The following CRPPA variants were observed in gnomAD, a reference collection of about 807,000 sequenced individuals.
CRPPA encodes CDP-L-ribitol pyrophosphorylase A, also known as D-ribitol-5-phosphate cytidylyltransferase.
Under a neutral mutation model 52.0 loss-of-function variants are expected in CRPPA, and 43 were observed. The ratio of observed to expected loss-of-function variants is 0.83; its 90% CI spans 0.65 to 1.07. The LOEUF is 1.07. Ranked by LOEUF, CRPPA falls within the 50% of genes least tolerant of loss-of-function variation. CRPPA has a pLI of 0.00. For synonymous variants in CRPPA, 250 were observed against 203.5 expected, an observed-to-expected ratio of 1.23 and a Z score of -1.94; for missense variants, 629 against 551.7, an observed-to-expected ratio of 1.14 and a Z score of -1.40.
Position 16,216,164 on chromosome 7 carries a change from T to C in CRPPA, c.1153A>G (p.Ser385Gly), listed in dbSNP as rs1188712526. Residue 385 changes from serine to glycine, a missense_variant, in exon 9 of 10, where the codon AGT becomes GGT. Transcript: ENST00000407010. ...HFLDFKLVPP[S>G]QKMENLMQIR... ...TGCATTAGGTTTTCCATTTTCTGACTGGGAGGTACTAATTTAAAATCAAGA... is the reference window on the plus strand; with the variant it reads ...TGCATTAGGTTTTCCATTTTCTGACCGGGAGGTACTAATTTAAAATCAAGA... 1.3e-6 allele frequency: 2 copies of C among 1,587,666 alleles called. No homozygotes were observed. The highest frequency in any genetic ancestry group is 2.3e-5 in the South Asian group (2 of 88,350).
chr7:16,211,280 T>G (rs1313478520), intron 9 of CRPPA, among the ~76,000 whole-genome samples: 3 of 152,214 alleles, frequency 2.0e-5, no homozygotes, highest in African/African-American at 7.2e-5. Context: ...ACATATTTTA[T>G]GACCTTTGTA....
intron 2 of CRPPA, among the ~76,000 whole-genome samples, chr7:16,396,144 T>A (rs1244639223): frequency 1.3e-5 from 2 of 152,102 alleles, no homozygotes; most frequent in Admixed American, 6.5e-5. Flanking sequence ...TGGTATCCAA[T>A]AAGCCAGGAA....
intron 2 of CRPPA, among the ~76,000 whole-genome samples, chr7:16,399,843 TGACA>T (rs1207044869): frequency 4.6e-5 from 7 of 152,054 alleles, no homozygotes; most frequent in African/African-American, 1.2e-4. Context: ...GTGTGGCACA[TGACA>T]GACACCTGAT....
At chr7:16,275,496 T>A (rs1235529387) in intron 6 of CRPPA, among the ~76,000 whole-genome samples, 1 of 152,128 alleles carries the variant, frequency 6.6e-6, no homozygotes, top group African/African-American at 2.4e-5. Context: ...TTTTGACTCA[T>A]CCCTTCCTCC....
chr7:16,258,741 C>T (rs1783713377), intron 7 of CRPPA, among the ~76,000 whole-genome samples, 179 bp downstream of exon 7: 1 of 152,030 alleles, frequency 6.6e-6, no homozygotes, highest in Admixed American at 6.6e-5. Flanking sequence ...CAAAATACCA[C>T]TCTTCTCATT....
chr7:16,315,188 A>G (rs1167647653), intron 3 of CRPPA, among the ~76,000 whole-genome samples: 1 of 152,088 alleles, frequency 6.6e-6, no homozygotes, highest in Non-Finnish European at 1.5e-5. Flanking sequence ...TTTTTATGAT[A>G]GTGTTTCTGA....
intron 4 of CRPPA, among the ~76,000 whole-genome samples, chr7:16,303,394 G>C (rs1404822063): frequency 6.8e-6 from 1 of 148,064 alleles, no homozygotes; most frequent in Non-Finnish European, 1.5e-5. Flanking sequence ...TCATAGGCAC[G>C]GTAAGGTAAT....
rs138621516 is a variant in CRPPA at position 16,223,191 on chromosome 7, G to A, written c.1120-6994C>T. Among the ~76,000 whole-genome samples, 12 of 152,224 alleles carry A rather than the reference G, an allele frequency of 7.9e-5. No homozygotes were observed. The East Asian group carries it at 2.3e-3, about 29-fold the overall frequency. ...CCTGTAACTCACTACATACCCACATGCCAGCTGGACTAAGGAACAATGCCG... is the reference window on the plus strand; with the variant it reads ...CCTGTAACTCACTACATACCCACATACCAGCTGGACTAAGGAACAATGCCG... On this transcript the variant is annotated intron_variant, in intron 8 of 9. Transcript: ENST00000407010.
Position 16,330,547 on chromosome 7 carries a change from C to G in CRPPA, c.685-21920G>C, listed in dbSNP as rs79721307. Among the ~76,000 whole-genome samples the G allele has an allele frequency of 5.2e-3, 797 of 152,224 alleles. 6 individuals are homozygous for G. Among genetic ancestry groups the G allele is most frequent in the African/African-American group, 0.018 (733 of 41,536 alleles). ...GGAACAAGTGCCTGCATAGGGAAAG[C>G]TCAAATGTAATTGACAAATTCCTAG... is the stretch of plus-strand genomic sequence containing the variant. On this transcript the variant is annotated intron_variant, in intron 3 of 9. Coordinates refer to ENST00000407010, the MANE Select transcript of CRPPA (RefSeq NM_001101426.4).
At chr7:16,246,649 AT>A (rs892537260) in intron 8 of CRPPA, among the ~76,000 whole-genome samples, 2 of 152,186 alleles carry the variant, frequency 1.3e-5, no homozygotes, top group African/African-American at 2.4e-5. Context: ...AGTAACATTA[AT>A]TTTTTTATAC....
intron 6 of CRPPA, among the ~76,000 whole-genome samples, chr7:16,276,012 T>A (rs568165678): frequency 3.3e-5 from 5 of 151,646 alleles, no homozygotes; most frequent in African/African-American, 1.2e-4. Context: ...ACTATAAAAG[T>A]CAGACTTGGA....
chr7:16,299,942 C>T (rs975066725), intron 5 of CRPPA, among the ~76,000 whole-genome samples: 1 of 152,160 alleles, frequency 6.6e-6, no homozygotes, highest in African/African-American at 2.4e-5. Context: ...TTGCTATTTT[C>T]CTACGTAGTA....
chr7:16,175,255 C>T (rs1304035899), intron 9 of CRPPA, among the ~76,000 whole-genome samples: 1 of 152,106 alleles, frequency 6.6e-6, no homozygotes, highest in Non-Finnish European at 1.5e-5. Flanking sequence ...ACAGTACTCT[C>T]TAAAGTATTC....
At chr7:16,324,263 A>G (rs554327672) in intron 3 of CRPPA, among the ~76,000 whole-genome samples, 1 of 152,206 alleles carries the variant, frequency 6.6e-6, no homozygotes, top group Non-Finnish European at 1.5e-5. Flanking sequence ...TGAACTCCAT[A>G]TTACAGACAG....
At chr7:16,092,642 C>T (rs1007899356) in intron 9 of CRPPA, among the ~76,000 whole-genome samples, 6 of 152,174 alleles carry the variant, frequency 3.9e-5, no homozygotes, top group African/African-American at 1.4e-4. Flanking sequence ...CAGATAGTCC[C>T]TCTAAAGTCT....
chr7:16,091,681 A>T lies in CRPPA; in HGVS notation c.*14T>A, dbSNP rs1781840675. ...AAATAGATGTTTTAGAAAATAGGTA[A>T]TTTTTTGTGTTCTTCATGCTATCAG... On this transcript the variant is annotated 3_prime_UTR_variant, in exon 10 of 10. Coordinates refer to ENST00000407010, the MANE Select transcript of CRPPA (RefSeq NM_001101426.4). The T allele has an allele frequency of 6.9e-7, 1 of 1,449,782 alleles. No homozygotes were observed. Among genetic ancestry groups the T allele is most frequent in the Non-Finnish European group, 9.4e-7 (1 of 1,058,968 alleles). 89.8% of individuals were successfully genotyped at this position (1,449,782 alleles called of 1,614,324 possible).
intron 9 of CRPPA, among the ~76,000 whole-genome samples, chr7:16,162,945 C>CT (rs373314389): frequency 1.0e-4 from 14 of 138,702 alleles, no homozygotes; most frequent in East Asian, 4.1e-4. Flanking sequence ...CCTTCTTTGT[C>CT]TTTTTTTTTC....
intron 9 of CRPPA, among the ~76,000 whole-genome samples, chr7:16,095,756 A>G (rs574780001): frequency 4.6e-5 from 7 of 152,326 alleles, no homozygotes; most frequent in African/African-American, 9.6e-5. Context: ...TTAACAATTT[A>G]AAGCTGTCAA....
intron 3 of CRPPA, among the ~76,000 whole-genome samples, chr7:16,317,008 T>C (rs1273911918): frequency 3.9e-5 from 6 of 152,162 alleles, no homozygotes; most frequent in Admixed American, 3.9e-4. Flanking sequence ...ATCAGCTTAG[T>C]TTTTTCTAAT....
Sources: gnomAD v4.1 joint callset for allele counts (sites outside exome capture counted in the v4.1 genomes callset) on GRCh38, gnomAD v4.1.1 for gene constraint, MANE v1.5 for transcripts, NCBI Gene and HGNC (gene_info 2026-07-23, HGNC 2026-07-21) for gene names.